ABLIM1: variants seen among roughly 807,000 people sequenced by gnomAD.
ABLIM1 encodes the protein actin binding LIM protein 1.
ABLIM1 carries 40 observed loss-of-function variants against 107.0 expected under a neutral mutation model. The observed-to-expected ratio is 0.37, with a 90% CI of 0.29 to 0.49. The LOEUF is 0.49. Among genes scored for constraint, ABLIM1 ranks in the 20% least tolerant of loss-of-function variants. The probability of loss-of-function intolerance (pLI) is 0.97; values close to 1 mark genes in which losing one functional copy is unlikely to be tolerated. For synonymous variants in ABLIM1, 357 were observed against 357.3 expected, an observed-to-expected ratio of 1.00 and a Z score of 0.01; for missense variants, 857 against 1,008.5, an observed-to-expected ratio of 0.85 and a Z score of 2.04.
At chr10:114,550,339 A>G (rs1379580714) in intron 4 of ABLIM1, among the ~76,000 whole-genome samples, 1 of 151,752 alleles carries the variant, frequency 6.6e-6, no homozygotes, top group Non-Finnish European at 1.5e-5. Flanking sequence ...TATAATTTTT[A>G]AAGTTTAGGA....
At chr10:114,798,591 A>AGC in the ABLIM1 span, among the ~76,000 whole-genome samples, 1 of 149,348 alleles carries the variant, frequency 6.7e-6, no homozygotes, top group Admixed American at 6.7e-5. Flanking sequence ...TTAAAAAAAA[A>AGC]ATTAGCCAGG....
rs544327439 is a variant in ABLIM1 at position 114,491,296 on chromosome 10, G to A, written c.982+495C>T. Reference sequence around the variant, plus strand: ...TAATGGGGTGAAACAAGTCTGTGACGTAATTCATCAAATATGAGATTTTCT... The same window carrying A: ...TAATGGGGTGAAACAAGTCTGTGACATAATTCATCAAATATGAGATTTTCT... On this transcript the variant is annotated intron_variant, in intron 7 of 22. Coordinates refer to ENST00000533213, the MANE Select transcript of ABLIM1 (RefSeq NM_002313.7). Among the ~76,000 whole-genome samples the A allele has an allele frequency of 4.6e-5, 7 of 151,794 alleles. No individual in the cohort carries two copies. In the South Asian group the frequency reaches 1.0e-3, roughly 23 times the overall value.
At chr10:114,754,385 G>T (rs890899582) in intron 1 of ABLIM1, among the ~76,000 whole-genome samples, 1 of 152,166 alleles carries the variant, frequency 6.6e-6, no homozygotes, top group Non-Finnish European at 1.5e-5. Flanking sequence ...CTCCACTTCA[G>T]GACAAGGATC....
At chr10:114,509,176 C>G (rs2061524956) in intron 6 of ABLIM1, among the ~76,000 whole-genome samples, 1 of 152,124 alleles carries the variant, frequency 6.6e-6, no homozygotes, top group African/African-American at 2.4e-5. Flanking sequence ...CTATGACAAC[C>G]AGGGTCACAT....
intron 1 of ABLIM1, among the ~76,000 whole-genome samples, chr10:114,676,214 C>T (rs1240280125): frequency 6.6e-6 from 1 of 152,222 alleles, no homozygotes; most frequent in Non-Finnish European, 1.5e-5. Flanking sequence ...CGCGATGGCT[C>T]ACGCCTCTAA....
At chr10:114,438,883 C>G (rs2059794771) in intron 21 of ABLIM1, among the ~76,000 whole-genome samples, 1 of 152,226 alleles carries the variant, frequency 6.6e-6, no homozygotes, top group South Asian at 2.1e-4. Context: ...AGCCACTCCA[C>G]TCAGCACCGG....
At chr10:114,759,680 G>A (rs1037883601) in intron 1 of ABLIM1, among the ~76,000 whole-genome samples, 4 of 152,160 alleles carry the variant, frequency 2.6e-5, no homozygotes, top group Admixed American at 6.6e-5. Context: ...TTTTGAGGTA[G>A]ATAATCTACA....
intron 6 of ABLIM1, among the ~76,000 whole-genome samples, chr10:114,544,260 G>A (rs1280218018): frequency 6.6e-6 from 1 of 152,204 alleles, no homozygotes. Context: ...ACGCTGGCAG[G>A]TGGGCCACAG....
chr10:114,454,337 A>G (rs1429082526), intron 12 of ABLIM1, among the ~76,000 whole-genome samples: 3 of 152,190 alleles, frequency 2.0e-5, no homozygotes, highest in Non-Finnish European at 4.4e-5. Context: ...GAAAAATGCT[A>G]TGAGACTCAG....
chr10:114,520,013 A>G (rs1436671197), intron 6 of ABLIM1, among the ~76,000 whole-genome samples: 2 of 152,160 alleles, frequency 1.3e-5, no homozygotes, highest in Non-Finnish European at 2.9e-5. Flanking sequence ...GTGCTGGAAA[A>G]TTCAAGCTGT....
intron 1 of ABLIM1, among the ~76,000 whole-genome samples, chr10:114,669,687 G>A (rs1335036567): frequency 6.6e-6 from 1 of 152,144 alleles, no homozygotes; most frequent in Non-Finnish European, 1.5e-5. Context: ...ATTCTTTAAA[G>A]CTTACAATAT....
chr10:114,675,625 G>A (rs568404472), intron 1 of ABLIM1, among the ~76,000 whole-genome samples: 5 of 152,310 alleles, frequency 3.3e-5, no homozygotes, highest in East Asian at 3.9e-4. Flanking sequence ...TAGCCTTTGC[G>A]TGTATTTACA....
chr10:114,573,569 C>T (rs2072025841), intron 3 of ABLIM1, among the ~76,000 whole-genome samples: 2 of 152,188 alleles, frequency 1.3e-5, no homozygotes, highest in Admixed American at 1.3e-4. Flanking sequence ...ACACGGCCTT[C>T]CAACCTGGCT....
At chr10:114,733,529 A>C (rs1308977909) in intron 1 of ABLIM1, among the ~76,000 whole-genome samples, 1 of 152,208 alleles carries the variant, frequency 6.6e-6, no homozygotes, top group Non-Finnish European at 1.5e-5. Flanking sequence ...ATGCTGAGCT[A>C]AAGTTATTTA....
chr10:114,432,458 G>A lies in ABLIM1; in HGVS notation c.*3802C>T, dbSNP rs575739818. 5 of 152,256 alleles carry A rather than the reference G, an allele frequency of 3.3e-5. No homozygotes were observed. Among genetic ancestry groups the A allele is most frequent in the African/African-American group, 9.6e-5 (4 of 41,554 alleles). 9.4% of individuals were successfully genotyped at this position (152,256 alleles called of 1,614,324 possible). Reference sequence around the variant, plus strand: ...TGCTAAGACCCAGTTAGCTTTAAATGGTTTTTAGAAAGACTTACCTAGTCA... The same window carrying A: ...TGCTAAGACCCAGTTAGCTTTAAATAGTTTTTAGAAAGACTTACCTAGTCA... On this transcript the variant is annotated 3_prime_UTR_variant, in exon 23 of 23. Transcript: ENST00000533213.
At chr10:114,769,594 T>G, upstream of ABLIM1, among the ~76,000 whole-genome samples, 1 of 151,754 alleles carries the variant, frequency 6.6e-6, no homozygotes, top group Non-Finnish European at 1.5e-5. Flanking sequence ...AAAGAGATGT[T>G]CTAGTTGTTT....
chr10:114,765,395 T>C (rs2082868346), intron 1 of ABLIM1, among the ~76,000 whole-genome samples: 1 of 152,088 alleles, frequency 6.6e-6, no homozygotes. Flanking sequence ...CCTACCATAA[T>C]CTACAAGCCT....
At chr10:114,645,131 G>A (rs1046173063) in intron 1 of ABLIM1, among the ~76,000 whole-genome samples, 2 of 152,110 alleles carry the variant, frequency 1.3e-5, no homozygotes, top group Non-Finnish European at 2.9e-5. Context: ...ATCTGTCAGC[G>A]CCCTACCCAT....
At chr10:114,468,047 A>G (rs1345744053) in intron 11 of ABLIM1, 134 bp downstream of exon 11, 1 of 758,456 alleles carries the variant, frequency 1.3e-6, no homozygotes, top group Non-Finnish European at 2.3e-6. Context: ...TAATCCCCAA[A>G]GCCACCATAA....
Sources: gnomAD v4.1 joint callset for allele counts (sites outside exome capture counted in the v4.1 genomes callset) on GRCh38, gnomAD v4.1.1 for gene constraint, MANE v1.5 for transcripts, NCBI Gene and HGNC (gene_info 2026-07-23, HGNC 2026-07-21) for gene names.